Variants in CREB5 observed in about 807,000 individuals in gnomAD.
The protein encoded by CREB5 is cyclic AMP-responsive element-binding protein 5.
CREB5 carries 19 observed loss-of-function variants against 57.1 expected under a neutral mutation model. That is an observed-to-expected ratio of 0.33 (90% confidence interval 0.23 to 0.49). CREB5 has a LOEUF of 0.49. CREB5 is among the 20% of genes least tolerant of loss of function. CREB5 has a pLI of 0.99. For synonymous variants in CREB5, 238 were observed against 238.3 expected (o/e 1.00, Z 0.01); for missense variants, 579 against 671.6 (o/e 0.86, Z 1.52).
At chr7:28,304,720 C>G (rs974266365) in intron 1 of CREB5, among the ~76,000 whole-genome samples, 1 of 152,078 alleles carries the variant, frequency 6.6e-6, no homozygotes, top group Non-Finnish European at 1.5e-5. Context: ...ATACACACAC[C>G]ATGGAATATG....
intron 5 of CREB5, among the ~76,000 whole-genome samples, chr7:28,661,981 T>A (rs1799628151): frequency 6.6e-6 from 1 of 152,196 alleles, no homozygotes; most frequent in Non-Finnish European, 1.5e-5. Context: ...ACACAGTTCT[T>A]TGTTTGGATC....
rs533241147 is a variant in CREB5, at chr7:28,819,065, C to T, written c.1364-51C>T. The T allele has an allele frequency of 5.1e-6, 8 of 1,554,964 alleles. No homozygotes were observed. In the East Asian group the frequency reaches 1.8e-4, roughly 35 times the overall value. On this transcript the variant is annotated intron_variant, in intron 10 of 10. Transcript: ENST00000357727. ...GTCCACAAGTCCATACAAAAAAGAC[C>T]TATATTGGTGTGTGTGTATGTGTGT...
intron 4 of CREB5, among the ~76,000 whole-genome samples, chr7:28,552,989 C>T (rs1468742581): frequency 2.6e-5 from 4 of 152,154 alleles, no homozygotes; most frequent in Non-Finnish European, 4.4e-5. Context: ...TGTCTCTGAG[C>T]GTGGTGGGCG....
intron 5 of CREB5, among the ~76,000 whole-genome samples, chr7:28,639,990 C>T (rs547316179): frequency 6.6e-6 from 1 of 152,142 alleles, no homozygotes; most frequent in Non-Finnish European, 1.5e-5. Context: ...GGAATATAAT[C>T]CCACTGTCAT....
rs547366784 is a variant in CREB5 at position 28,445,944 on chromosome 7, A to ACAAACAAAAC, written c.3+33036_3+33045dup. On this transcript the variant is annotated intron_variant, in intron 1 of 10. Transcript: ENST00000357727. ...TCATGGTAGAAGCAAAACAACCTCA[A>ACAAACAAAAC]CAAACAAAACCAAACAAACCCAACA... Among the ~76,000 whole-genome samples, 863 of 152,322 alleles carry ACAAACAAAAC rather than the reference A, an allele frequency of 5.7e-3. 4 individuals are homozygous for ACAAACAAAAC. Among genetic ancestry groups the ACAAACAAAAC allele is most frequent in the Non-Finnish European group, 9.9e-3 (675 of 68,010 alleles).
At chr7:28,475,645 A>C (rs1274514529) in intron 1 of CREB5, among the ~76,000 whole-genome samples, 1 of 151,988 alleles carries the variant, frequency 6.6e-6, no homozygotes, top group Non-Finnish European at 1.5e-5. Flanking sequence ...CTTATTTCCC[A>C]TGCCTCCAGG....
At chr7:28,593,228 TATTG>T (rs1796586251) in intron 5 of CREB5, among the ~76,000 whole-genome samples, 1 of 152,136 alleles carries the variant, frequency 6.6e-6, no homozygotes, top group Admixed American at 6.6e-5. Flanking sequence ...TTTTTTATTT[TATTG>T]ATTTTTTAAA....
At chr7:28,462,977 C>T (rs571331666) in intron 1 of CREB5, among the ~76,000 whole-genome samples, 1 of 152,048 alleles carries the variant, frequency 6.6e-6, no homozygotes, top group South Asian at 2.1e-4. Context: ...AGTTTCTTAT[C>T]TAAGGATTTT....
chr7:28,386,392 C>T (rs1296623057), intron 1 of CREB5, among the ~76,000 whole-genome samples: 3 of 152,154 alleles, frequency 2.0e-5, no homozygotes, highest in African/African-American at 7.2e-5. Context: ...GTTGAGAAAT[C>T]TGCTGCTGGT....
intron 7 of CREB5, among the ~76,000 whole-genome samples, chr7:28,770,589 AG>A (rs1406256995): frequency 6.6e-6 from 1 of 152,210 alleles, no homozygotes; most frequent in East Asian, 1.9e-4. Flanking sequence ...ACTAAAGAAA[AG>A]GGGAGAAAAC....
chr7:28,346,398 T>G (rs192072885), intron 1 of CREB5, among the ~76,000 whole-genome samples: 115 of 152,324 alleles, frequency 7.5e-4, no homozygotes, highest in Admixed American at 1.5e-3. Context: ...CTGGGGCCTC[T>G]TTTACAATGG....
intron 5 of CREB5, among the ~76,000 whole-genome samples, chr7:28,688,961 A>G (rs1562573110): frequency 1.3e-5 from 2 of 152,152 alleles, no homozygotes; most frequent in Non-Finnish European, 2.9e-5. Flanking sequence ...GGCCAGGAGC[A>G]CTAGCCTGGC....
chr7:28,500,641 C>A (rs1792237019), intron 3 of CREB5, among the ~76,000 whole-genome samples: 1 of 152,176 alleles, frequency 6.6e-6, no homozygotes, highest in Non-Finnish European at 1.5e-5. Context: ...CATTTGTCCT[C>A]AAGAGGCTAA....
intron 1 of CREB5, among the ~76,000 whole-genome samples, chr7:28,309,804 G>A (rs559631812): frequency 1.2e-4 from 18 of 152,126 alleles, no homozygotes; most frequent in African/African-American, 1.9e-4. Flanking sequence ...CTGGCCCTAC[G>A]TTGCCTCTCT....
At chr7:28,649,275 G>C (rs1256793988) in intron 5 of CREB5, among the ~76,000 whole-genome samples, 2 of 152,330 alleles carry the variant, frequency 1.3e-5, no homozygotes, top group East Asian at 3.9e-4. Context: ...CACCTGTTTT[G>C]TATGTCCCAC....
At chr7:28,533,712 C>T (rs777617363) in intron 4 of CREB5, among the ~76,000 whole-genome samples, 1 of 152,188 alleles carries the variant, frequency 6.6e-6, no homozygotes, top group Non-Finnish European at 1.5e-5. Context: ...AGGCTGCCTC[C>T]TCTTCTGTTT....
chr7:28,435,710 T>C (rs952610689), intron 1 of CREB5: 2 of 968,150 alleles, frequency 2.1e-6, no homozygotes, highest in Non-Finnish European at 1.2e-6. Flanking sequence ...GGTTGTATAA[T>C]ACTCGTGTGA....
intron 4 of CREB5, among the ~76,000 whole-genome samples, chr7:28,523,806 T>C (rs1793310638): frequency 6.6e-6 from 1 of 152,244 alleles, no homozygotes; most frequent in Non-Finnish European, 1.5e-5. Flanking sequence ...TGAAGCCTTC[T>C]CTGATCTCCC....
chr7:28,491,849 G>C (rs1287886837), intron 2 of CREB5, among the ~76,000 whole-genome samples: 1 of 152,218 alleles, frequency 6.6e-6, no homozygotes, highest in African/African-American at 2.4e-5. Context: ...GGATGACTGA[G>C]AATTGGAAAC....
Sources: allele counts gnomAD v4.1 joint callset (sites outside exome capture counted in the v4.1 genomes callset), GRCh38; gene constraint gnomAD v4.1.1; transcripts MANE v1.5; gene names NCBI Gene and HGNC (gene_info 2026-07-23, HGNC 2026-07-21).